Variants in TSPAN19 observed in about 807,000 individuals in gnomAD.
The protein encoded by TSPAN19 is tetraspanin-19.
TSPAN19 carries 44 observed loss-of-function variants against 35.1 expected under a neutral mutation model. The ratio of observed to expected loss-of-function variants is 1.25; its 90% CI spans 0.98 to 1.61. TSPAN19 has a LOEUF of 1.61. Ranked by LOEUF, TSPAN19 falls within the 40% of genes most tolerant of loss-of-function variation. TSPAN19 has a pLI of 0.00. For missense variants in TSPAN19, 290 were observed against 280.0 expected, an observed-to-expected ratio of 1.04 and a Z score of -0.26; for synonymous variants, 79 against 92.0, an observed-to-expected ratio of 0.86 and a Z score of 0.81.
At chr12:85,020,922 G>A (rs1162938680) in intron 5 of TSPAN19, among the ~76,000 whole-genome samples, 1 of 151,888 alleles carries the variant, frequency 6.6e-6, no homozygotes, top group African/African-American at 2.4e-5. Flanking sequence ...AGGGATCTCA[G>A]CCAAGAGCCT....
At chr12:85,019,501 A>C in intron 6 of TSPAN19, 125 bp downstream of exon 6, 1 of 591,550 alleles carries the variant, frequency 1.7e-6, no homozygotes, top group Non-Finnish European at 3.0e-6. Flanking sequence ...CTTTTTGCCC[A>C]GTTTGTTTGA....
chr12:85,032,324 T>C (rs1398128033), intron 1 of TSPAN19, among the ~76,000 whole-genome samples: 1 of 152,046 alleles, frequency 6.6e-6, no homozygotes, highest in East Asian at 1.9e-4. Flanking sequence ...TGGTAGAGAA[T>C]GAAATGATAC....
intron 1 of TSPAN19, among the ~76,000 whole-genome samples, 196 bp downstream of exon 1, chr12:85,036,008 C>T (rs1877996357): frequency 6.6e-6 from 1 of 152,014 alleles, no homozygotes; most frequent in Non-Finnish European, 1.5e-5. Context: ...CTATGTCCCA[C>T]AAATCACTGT....
intron 1 of TSPAN19, among the ~76,000 whole-genome samples, chr12:85,030,275 A>G (rs1237560922): frequency 6.6e-6 from 1 of 152,234 alleles, no homozygotes; most frequent in East Asian, 1.9e-4. Flanking sequence ...AATTTCTTGC[A>G]GTTTCAAAAA....
At chr12:85,027,839 G>T (rs763507395) in intron 4 of TSPAN19, 60 bp downstream of exon 4, 13 of 1,466,428 alleles carry the variant, frequency 8.9e-6, no homozygotes, top group Non-Finnish European at 1.2e-5. Context: ...ATTCATTTGT[G>T]TAACTTAGAT....
At chr12:85,015,758 TAAAGAGCCTC>T in intron 8 of TSPAN19, 120 bp downstream of exon 8, 1 of 617,476 alleles carries the variant, frequency 1.6e-6, no homozygotes, top group Non-Finnish European at 2.7e-6. Context: ...CTCTTGGATG[TAAAGAGCCTC>T]AAAGTCCTGG....
Position 85,022,296 on chromosome 12 carries a change from A to C in TSPAN19, c.339+1030T>G, listed in dbSNP as rs146475345. ...TAGTTCTAAATGCCAGGCCATTAAC[A>C]GTAGGCACTGGATGATGAGCTGTCC... On this transcript the variant is annotated intron_variant, in intron 5 of 8. Coordinates refer to ENST00000532498, the MANE Select transcript of TSPAN19 (RefSeq NM_001100917.2). Among the ~76,000 whole-genome samples the C allele has an allele frequency of 2.6e-5, 4 of 152,248 alleles. No homozygotes were observed. The East Asian group carries it at 7.7e-4, about 29-fold the overall frequency.
At chr12:85,033,369 T>A (rs1877771960) in intron 1 of TSPAN19, among the ~76,000 whole-genome samples, 1 of 151,444 alleles carries the variant, frequency 6.6e-6, no homozygotes, top group Admixed American at 6.6e-5. Context: ...TTCCTGAAGG[T>A]AATAGGGAGT....
At chr12:85,015,397 C>T (rs1005419326) in intron 8 of TSPAN19, 6 of 152,008 alleles carry the variant, frequency 3.9e-5, no homozygotes, top group African/African-American at 1.5e-4. Flanking sequence ...AGTAAATGCT[C>T]CCCGTCCCTC....
intron 4 of TSPAN19, among the ~76,000 whole-genome samples, chr12:85,026,817 A>T (rs1245745051): frequency 6.6e-6 from 1 of 152,066 alleles, no homozygotes; most frequent in African/African-American, 2.4e-5. Context: ...GAGCAGAGTG[A>T]GTAGACCTGA....
intron 3 of TSPAN19, among the ~76,000 whole-genome samples, chr12:85,028,522 G>T (rs1204843509): frequency 6.6e-6 from 1 of 152,124 alleles, no homozygotes; most frequent in Non-Finnish European, 1.5e-5. Flanking sequence ...CCAGTCAACA[G>T]GCTGACTGTT....
chr12:85,023,469 GA>G, intron 4 of TSPAN19, 69 bp from the exon 5 acceptor site: 2 of 1,219,696 alleles, frequency 1.6e-6, no homozygotes, highest in South Asian at 2.7e-5. Flanking sequence ...CAAATAATGG[GA>G]AAACACACAC....
chr12:85,014,617 G>C, intron 8 of TSPAN19, 62 bp from the exon 9 acceptor site: 1 of 1,283,666 alleles, frequency 7.8e-7, no homozygotes, highest in South Asian at 1.3e-5. Flanking sequence ...AATTTGCAAA[G>C]TTAACAATAT....
chr12:85,015,541 TACACACACACACAC>T (rs10549033), intron 8 of TSPAN19: 85 of 146,962 alleles, frequency 5.8e-4, no homozygotes, highest in Middle Eastern at 3.4e-3. Context: ...TATGAACATA[TACACACACACACAC>T]ACACACACAC....
At position 85,017,569 on chromosome 12, in the gene TSPAN19, C is replaced by T; in HGVS notation, c.481G>A (p.Asp161Asn). 2 of 1,589,670 alleles carry T rather than the reference C, an allele frequency of 1.3e-6. No individual in the cohort carries two copies. The highest frequency in any genetic ancestry group is 1.7e-6 in the Non-Finnish European group (2 of 1,166,532). ...TCTTTGTTCTTATTCTTTATCCAGT[C>T]TGTGTAATTATGTTGGCCACAACAC... ...LQCCGQHNYTDWIKNKNKENS... is the reference protein window; with the variant it reads ...LQCCGQHNYTNWIKNKNKENS... Residue 161 changes from aspartate to asparagine, a missense_variant, in exon 7 of 9, where the codon GAC (aspartate) becomes AAC (asparagine). Asp to Asn is a conservative substitution (Grantham distance 23, BLOSUM62 1). Coordinates refer to ENST00000532498, the MANE Select transcript of TSPAN19 (RefSeq NM_001100917.2).
chr12:85,027,672 A>C (rs1030529630), intron 4 of TSPAN19, among the ~76,000 whole-genome samples: 1 of 152,256 alleles, frequency 6.6e-6, no homozygotes, highest in African/African-American at 2.4e-5. Context: ...TTGAAAATTA[A>C]ATGTCCAAAT....
chr12:85,020,905 T>C (rs923166000), intron 5 of TSPAN19, among the ~76,000 whole-genome samples: 1 of 152,052 alleles, frequency 6.6e-6, no homozygotes, highest in African/African-American at 2.4e-5. Context: ...AGTTTGTCTT[T>C]TGTTATAGGG....
rs143271824 is a variant in TSPAN19, at chr12:85,019,802, T to C, written c.340-66A>G. On this transcript the variant is annotated intron_variant, in intron 5 of 8. Transcript: ENST00000532498. Reference sequence around the variant, plus strand: ...GTATCCATAAAAATTTCATAGAAATTGATGGTTCCTCAAGAGTACCATCAT... The same window carrying C: ...GTATCCATAAAAATTTCATAGAAATCGATGGTTCCTCAAGAGTACCATCAT... 1,322 of 808,302 alleles carry C rather than the reference T, an allele frequency of 1.6e-3. 19 individuals are homozygous for C. In the African/African-American group the frequency reaches 0.02, roughly 12 times the overall value. 50.1% of individuals were successfully genotyped at this position (808,302 alleles called of 1,614,324 possible).
chr12:85,018,662 T>C (rs1010212527), intron 6 of TSPAN19, among the ~76,000 whole-genome samples: 1 of 152,014 alleles, frequency 6.6e-6, no homozygotes, highest in Non-Finnish European at 1.5e-5. Flanking sequence ...CGTTATCATA[T>C]GTACTATAAA....
Sources: allele counts gnomAD v4.1 joint callset (sites outside exome capture counted in the v4.1 genomes callset), GRCh38; gene constraint gnomAD v4.1.1; transcripts MANE v1.5; gene names NCBI Gene and HGNC (gene_info 2026-07-23, HGNC 2026-07-21).